PAM: variants seen among roughly 807,000 people sequenced by gnomAD.
The protein encoded by PAM is peptidylglycine alpha-amidating monooxygenase.
PAM carries 72 observed loss-of-function variants against 122.1 expected under a neutral mutation model. That is an observed-to-expected ratio of 0.59 (90% CI 0.49 to 0.72). PAM has a LOEUF of 0.72. Ranked by LOEUF, PAM falls within the 30% of genes least tolerant of loss-of-function variation. The probability of loss-of-function intolerance (pLI) is 0.00; values close to 1 mark genes in which losing one functional copy is unlikely to be tolerated. For missense variants in PAM, 1,106 were observed against 1,183.7 expected (o/e 0.93, Z 0.96); for synonymous variants, 389 against 404.4 (o/e 0.96, Z 0.46).
chr5:102,986,583 C>T (rs1035941425), intron 15 of PAM, among the ~76,000 whole-genome samples: 2 of 152,010 alleles, frequency 1.3e-5, no homozygotes, highest in African/African-American at 2.4e-5. Context: ...GAAAATGACA[C>T]CAAAAAAATG....
intron 3 of PAM, among the ~76,000 whole-genome samples, chr5:102,900,265 C>A (rs116665684): frequency 0.11 from 2,382 of 22,370 alleles, 100 homozygotes; most frequent in African/African-American, 0.22. Flanking sequence ...GGGGGGGGGG[C>A]GGGGGGAAGA....
At chr5:102,765,645 T>C (rs1269762593) in intron 1 of PAM, among the ~76,000 whole-genome samples, 1 of 152,218 alleles carries the variant, frequency 6.6e-6, no homozygotes, top group African/African-American at 2.4e-5. Context: ...AGAAATGTAT[T>C]GTCTCAGAGT....
intron 3 of PAM, among the ~76,000 whole-genome samples, chr5:102,883,067 A>G (rs1159202030): frequency 1.3e-5 from 2 of 151,502 alleles, no homozygotes; most frequent in African/African-American, 4.9e-5. Flanking sequence ...ATTTTGTTCC[A>G]TTGGTCTATG....
intron 21 of PAM, among the ~76,000 whole-genome samples, chr5:103,012,463 G>T (rs1028868583): frequency 6.6e-6 from 1 of 152,146 alleles, no homozygotes; most frequent in Non-Finnish European, 1.5e-5. Context: ...TAGGGATCAA[G>T]TATCATTCGT....
chr5:102,757,551 A>G (rs1161359527), intron 1 of PAM, among the ~76,000 whole-genome samples: 3 of 152,264 alleles, frequency 2.0e-5, no homozygotes, highest in Admixed American at 2.0e-4. Context: ...GTTAAAAGCT[A>G]TAGAAATTTT....
intron 1 of PAM, among the ~76,000 whole-genome samples, chr5:102,805,742 G>A (rs1279240279): frequency 6.6e-6 from 1 of 152,202 alleles, no homozygotes; most frequent in Non-Finnish European, 1.5e-5. Flanking sequence ...AATATTTAGT[G>A]AAGTCGTGGA....
intron 14 of PAM, among the ~76,000 whole-genome samples, chr5:102,966,359 G>C (rs996424641): frequency 7.9e-5 from 12 of 152,062 alleles, no homozygotes; most frequent in African/African-American, 2.7e-4. Flanking sequence ...CTGTGTGCAT[G>C]GTAGTTATGA....
chr5:102,983,643 C>A (rs1467563868), intron 15 of PAM, among the ~76,000 whole-genome samples: 1 of 152,004 alleles, frequency 6.6e-6, no homozygotes, highest in African/African-American at 2.4e-5. Context: ...CTGAAAACTT[C>A]CCGTTTTGAA....
At chr5:102,826,251 A>G (rs1773560099) in intron 1 of PAM, among the ~76,000 whole-genome samples, 1 of 152,178 alleles carries the variant, frequency 6.6e-6, no homozygotes, top group Non-Finnish European at 1.5e-5. Context: ...ATACTTTCTT[A>G]CAAATAACTT....
intron 22 of PAM, among the ~76,000 whole-genome samples, chr5:103,018,790 T>C (rs1782727792): frequency 1.3e-5 from 2 of 152,232 alleles, no homozygotes; most frequent in Non-Finnish European, 2.9e-5. Context: ...TCTGAGGCCC[T>C]GTATACCGTG....
rs557034727 is a variant in PAM, at chr5:102,787,082, A to C, written c.-374+31734A>C. 3.9e-5 allele frequency among the ~76,000 whole-genome samples: 6 copies of C among 152,222 alleles called. No individual in the cohort carries two copies. In the South Asian group the frequency reaches 1.2e-3, roughly 32 times the overall value. ...TATAATGATCTGAATTTCACTTAAAATCTCTTAATTTAGAAATCATTATGC... is the reference window on the plus strand; with the variant it reads ...TATAATGATCTGAATTTCACTTAAACTCTCTTAATTTAGAAATCATTATGC... On this transcript the variant is annotated intron_variant, in intron 1 of 25. Coordinates refer to ENST00000438793, the MANE Select transcript of PAM (RefSeq NM_001177306.2).
chr5:102,825,188 A>G (rs945681646), intron 1 of PAM, among the ~76,000 whole-genome samples: 1 of 152,232 alleles, frequency 6.6e-6, no homozygotes, highest in African/African-American at 2.4e-5. Context: ...AATGGCTAAT[A>G]TTTTTATTTT....
At chr5:103,004,415 A>G (rs767557373) in intron 17 of PAM, among the ~76,000 whole-genome samples, 1 of 152,198 alleles carries the variant, frequency 6.6e-6, no homozygotes, top group African/African-American at 2.4e-5. Context: ...AGAGTGTTAC[A>G]GTTATGGCTT....
intron 12 of PAM, among the ~76,000 whole-genome samples, chr5:102,955,943 T>C (rs1020830626): frequency 6.6e-6 from 1 of 152,092 alleles, no homozygotes; most frequent in African/African-American, 2.4e-5. Context: ...GTGATGCTGA[T>C]ACTAAGGATG....
At chr5:102,970,801 A>T (rs906411676) in intron 14 of PAM, among the ~76,000 whole-genome samples, 1 of 151,294 alleles carries the variant, frequency 6.6e-6, no homozygotes, top group Non-Finnish European at 1.5e-5. Flanking sequence ...TTTTAATTTT[A>T]TTTTTTTTAC....
At chr5:102,993,247 T>C (rs1449164194) in intron 16 of PAM, among the ~76,000 whole-genome samples, 1 of 152,146 alleles carries the variant, frequency 6.6e-6, no homozygotes, top group Non-Finnish European at 1.5e-5. Flanking sequence ...GTCTCTTGTC[T>C]GCCCTGGTGT....
At chr5:102,755,728 C>T (rs982520458) in intron 1 of PAM, among the ~76,000 whole-genome samples, 1 of 151,928 alleles carries the variant, frequency 6.6e-6, no homozygotes. Flanking sequence ...TTTTCTGCCC[C>T]CAACTTGGAG....
intron 7 of PAM, among the ~76,000 whole-genome samples, chr5:102,943,754 C>G (rs966282714): frequency 1.1e-4 from 17 of 152,100 alleles, no homozygotes; most frequent in African/African-American, 4.1e-4. Context: ...GTTTCCCTTT[C>G]GGTTCTGAGA....
At chr5:102,906,601 C>T (rs532341635) in intron 4 of PAM, among the ~76,000 whole-genome samples, 4 of 151,866 alleles carry the variant, frequency 2.6e-5, no homozygotes, top group African/African-American at 9.6e-5. Context: ...GGACAAATTA[C>T]TTCACTTCTC....
Sources: gnomAD v4.1 joint callset for allele counts (sites outside exome capture counted in the v4.1 genomes callset) on GRCh38, gnomAD v4.1.1 for gene constraint, MANE v1.5 for transcripts, NCBI Gene and HGNC (gene_info 2026-07-23, HGNC 2026-07-21) for gene names.